The following TIMP3 variants were observed in gnomAD, a reference collection of about 807,000 sequenced individuals.
The protein encoded by TIMP3 is TIMP metallopeptidase inhibitor 3.
TIMP3 carries 11 observed loss-of-function variants against 30.0 expected under a neutral mutation model. The ratio of observed to expected loss-of-function variants is 0.37; its 90% confidence interval spans 0.23 to 0.61. The LOEUF (loss-of-function observed/expected upper bound fraction) is 0.61, where lower values mean the gene tolerates loss of function less well. TIMP3 is among the 20% of genes least tolerant of loss of function. The pLI, the probability that TIMP3 is intolerant of heterozygous loss-of-function variation, is 0.70. For missense variants in TIMP3, 181 were observed against 276.8 expected, an observed-to-expected ratio of 0.65 and a Z score of 2.45; for synonymous variants, 112 against 111.3, an observed-to-expected ratio of 1.01 and a Z score of -0.04.
At chr22:32,814,313 G>GACAA (rs774703088) in intron 1 of TIMP3, among the ~76,000 whole-genome samples, 2 of 39,674 alleles carry the variant, frequency 5.0e-5, no homozygotes, top group Admixed American at 3.0e-4. Context: ...GAGAGAGAGA[G>GACAA]AGACAGAAAG....
chr22:32,829,181 C>T (rs62232918), intron 1 of TIMP3, among the ~76,000 whole-genome samples: 3 of 152,306 alleles, frequency 2.0e-5, no homozygotes, highest in South Asian at 4.2e-4. Flanking sequence ...ATCCCATTGC[C>T]GGCTTTAGTC....
intron 1 of TIMP3, among the ~76,000 whole-genome samples, chr22:32,846,254 C>A (rs983686016): frequency 6.6e-6 from 1 of 152,156 alleles, no homozygotes; most frequent in South Asian, 2.1e-4. Flanking sequence ...CACTCCTGAT[C>A]CCAAAATACC....
rs903098975 is a variant in TIMP3 at position 32,861,301 on chromosome 22, A to G, written c.*1924A>G. ...CCGGCATCGGGTTTCCTTGGGATCA[A>G]TTTCATTACCGTGTACCTTTCCCAT... On this transcript the variant is annotated 3_prime_UTR_variant, in exon 5 of 5. Coordinates refer to ENST00000266085, the MANE Select transcript of TIMP3 (RefSeq NM_000362.5). 6.6e-5 allele frequency: 10 copies of G among 152,320 alleles called. No individual in the cohort carries two copies. Among genetic ancestry groups the G allele is most frequent in the African/African-American group, 2.4e-4 (10 of 41,438 alleles). The allele number at this position is 152,320 out of a possible 1,614,324, so 9.4% of individuals were successfully genotyped here. A position where few individuals can be genotyped will look rare whatever the true frequency, so the allele number is the denominator to read the frequency against.
At chr22:32,815,158 C>T (rs2047054740) in intron 1 of TIMP3, among the ~76,000 whole-genome samples, 1 of 152,230 alleles carries the variant, frequency 6.6e-6, no homozygotes. Flanking sequence ...CTTCCCCTCC[C>T]CATTTCTAGT....
At chr22:32,803,045 T>G (rs1372245172) in intron 1 of TIMP3, among the ~76,000 whole-genome samples, 1 of 152,008 alleles carries the variant, frequency 6.6e-6, no homozygotes, top group Non-Finnish European at 1.5e-5. Flanking sequence ...TGGGAGTGTT[T>G]GGGACACTTG....
At chr22:32,841,930 G>T (rs1397885933) in intron 1 of TIMP3, among the ~76,000 whole-genome samples, 1 of 152,158 alleles carries the variant, frequency 6.6e-6, no homozygotes. Context: ...TGTGCAGATG[G>T]TGCTGAGACC....
intron 1 of TIMP3, among the ~76,000 whole-genome samples, chr22:32,821,613 G>A (rs2047247994): frequency 6.6e-6 from 1 of 152,234 alleles, no homozygotes; most frequent in African/African-American, 2.4e-5. Flanking sequence ...TGAGGGGCAA[G>A]GCAAATCGGA....
chr22:32,812,001 G>GGAGGAGGAGCACTGGCTGGAGT (rs2046928890), intron 1 of TIMP3, among the ~76,000 whole-genome samples: 1 of 152,212 alleles, frequency 6.6e-6, no homozygotes, highest in Admixed American at 6.5e-5. Flanking sequence ...AGTGTGGCAT[G>GGAGGAGGAGCACTGGCTGGAGT]GAGGAGGAGC....
intron 1 of TIMP3, among the ~76,000 whole-genome samples, chr22:32,846,600 C>T (rs2048070442): frequency 6.6e-6 from 1 of 152,112 alleles, no homozygotes; most frequent in Admixed American, 6.5e-5. Context: ...ATTGGGAAAC[C>T]AAGGCATAGA....
intron 2 of TIMP3, among the ~76,000 whole-genome samples, chr22:32,853,288 A>G (rs934953571): frequency 6.6e-6 from 1 of 152,186 alleles, no homozygotes; most frequent in African/African-American, 2.4e-5. Context: ...AAATTGCTGT[A>G]TAGAGAAAGA....
At chr22:32,804,235 G>C (rs918968199) in intron 1 of TIMP3, among the ~76,000 whole-genome samples, 2 of 152,160 alleles carry the variant, frequency 1.3e-5, no homozygotes, top group African/African-American at 4.8e-5. Flanking sequence ...CTAGTGGCAG[G>C]GATGAGCTAA....
rs537509999 is a variant in TIMP3, at chr22:32,829,975, G to T, written c.122-19477G>T. ...GGGCCTCTCTCTGCATTGCTCTGGG[G>T]TGTTCACTGCACTTGGACTGATACC... On this transcript the variant is annotated intron_variant, in intron 1 of 4. Transcript: ENST00000266085. 1.6e-4 allele frequency among the ~76,000 whole-genome samples: 24 copies of T among 152,294 alleles called. No homozygotes were observed. The East Asian group carries it at 4.6e-3, about 29-fold the overall frequency.
chr22:32,802,209 T>C, intron 1 of TIMP3, 87 bp downstream of exon 1: 1 of 1,501,586 alleles, frequency 6.7e-7, no homozygotes, highest in Middle Eastern at 1.7e-4. Context: ...CCCCACTCCT[T>C]TCCTCTGCCC....
chr22:32,857,198 C>T (rs374251890), intron 2 of TIMP3, 51 bp from the exon 3 acceptor site: 90 of 1,388,674 alleles, frequency 6.5e-5, no homozygotes, highest in African/African-American at 8.6e-5. Context: ...AGGGATCATA[C>T]GGGTGTCCAA....
chr22:32,835,399 C>T lies in TIMP3; in HGVS notation c.122-14053C>T, dbSNP rs182541569. Among the ~76,000 whole-genome samples, 625 of 152,178 alleles carry T rather than the reference C, an allele frequency of 4.1e-3. 8 individuals are homozygous for T. The highest frequency in any genetic ancestry group is 0.023 in the Admixed American group (356 of 15,280). On this transcript the variant is annotated intron_variant, in intron 1 of 4. Coordinates refer to ENST00000266085, the MANE Select transcript of TIMP3 (RefSeq NM_000362.5). ...ATGAGACATGATTCAAATGAATCTA[C>T]GAACATATAGTTACATACACACTAG...
rs537490223 is a variant in TIMP3, at chr22:32,857,535, T to G, written c.316+175T>G. ...GCTAGGAGCTTGAGGCTCCTACACT[T>G]AGGCTGGACTTTGGAATTAGCTCCA... is the stretch of plus-strand genomic sequence containing the variant. On this transcript the variant is annotated intron_variant, in intron 3 of 4. Transcript: ENST00000266085. Among the ~76,000 whole-genome samples the G allele has an allele frequency of 5.3e-5, 8 of 152,296 alleles. No individual in the cohort carries two copies. The South Asian group carries it at 1.7e-3, about 32-fold the overall frequency.
At chr22:32,817,384 T>G (rs1268309583) in intron 1 of TIMP3, among the ~76,000 whole-genome samples, 1 of 152,202 alleles carries the variant, frequency 6.6e-6, no homozygotes, top group Non-Finnish European at 1.5e-5. Flanking sequence ...GGAACTAATT[T>G]TCCCAAGAAG....
At chr22:32,825,279 G>A (rs753495199) in intron 1 of TIMP3, among the ~76,000 whole-genome samples, 22 of 152,126 alleles carry the variant, frequency 1.4e-4, no homozygotes, top group Non-Finnish European at 2.9e-4. Context: ...CTGCTGACTT[G>A]GATTCAGTTA....
At chr22:32,835,311 G>A (rs917815560) in intron 1 of TIMP3, among the ~76,000 whole-genome samples, 5 of 152,168 alleles carry the variant, frequency 3.3e-5, no homozygotes, top group Non-Finnish European at 7.3e-5. Flanking sequence ...ATACAATTGT[G>A]AGCAAAGCAA....
Sources: allele counts gnomAD v4.1 joint callset (sites outside exome capture counted in the v4.1 genomes callset), GRCh38; gene constraint gnomAD v4.1.1; transcripts MANE v1.5; gene names NCBI Gene and HGNC (gene_info 2026-07-23, HGNC 2026-07-21).